Variants in EIF4E3 observed in about 807,000 individuals in gnomAD.
EIF4E3 encodes eukaryotic translation initiation factor 4E family member 3, also known as eukaryotic translation initiation factor 4E type 3.
In EIF4E3, 26 loss-of-function variants were observed where a neutral mutation model predicts 31.7. The ratio of observed to expected loss-of-function variants is 0.82; its 90% CI spans 0.60 to 1.14. The LOEUF (loss-of-function observed/expected upper bound fraction) is 1.14, where lower values mean the gene tolerates loss of function less well. EIF4E3 is among the 50% of genes most tolerant of loss of function. EIF4E3 has a pLI of 0.00. For synonymous variants in EIF4E3, 128 were observed against 107.7 expected, an observed-to-expected ratio of 1.19 and a Z score of -1.17; for missense variants, 304 against 270.9, an observed-to-expected ratio of 1.12 and a Z score of -0.86.
chr3:71,675,167 T>G (rs540033209), downstream of EIF4E3, among the ~76,000 whole-genome samples: 1 of 152,280 alleles, frequency 6.6e-6, no homozygotes, highest in South Asian at 2.1e-4. Context: ...GTAGAAGCAT[T>G]TGCAAACACA....
In EIF4E3 at chr3:71,690,126, C is replaced by T. The variant is rs564748464; in HGVS notation, c.512G>A (p.Arg171Gln). The change falls in exon 6 of 7, where the codon CGA becomes CAA. Residue 171 changes from arginine to glutamine, a missense_variant. Coordinates refer to ENST00000425534, the MANE Select transcript of EIF4E3 (RefSeq NM_001134651.2). ...VIGVSVSVRDREDVVQVWNVN... is the reference protein window; with the variant it reads ...VIGVSVSVRDQEDVVQVWNVN... ...ATTCCAGACTTGGACGACGTCTTCT[C>T]GGTCCCGAACACTGACACTAACTCC... 30 of 1,613,392 alleles carry T rather than the reference C, an allele frequency of 1.9e-5. No homozygotes were observed. The highest frequency in any genetic ancestry group is 5.0e-5 in the Admixed American group (3 of 59,914).
At chr3:71,664,914 T>C in the EIF4E3 span, among the ~76,000 whole-genome samples, 1 of 152,140 alleles carries the variant, frequency 6.6e-6, no homozygotes, top group East Asian at 1.9e-4. Context: ...CGAAGACGTA[T>C]GTCTACAGCT....
intron 3 of EIF4E3, among the ~76,000 whole-genome samples, chr3:71,699,245 A>AAAC (rs1427455022): frequency 8.5e-5 from 13 of 152,120 alleles, no homozygotes; most frequent in Middle Eastern, 6.8e-3. Flanking sequence ...GAAACCAACC[A>AAAC]AACAACAACA....
At chr3:71,685,282 C>G (rs550881686) in intron 6 of EIF4E3, among the ~76,000 whole-genome samples, 1 of 152,152 alleles carries the variant, frequency 6.6e-6, no homozygotes, top group African/African-American at 2.4e-5. Context: ...TTTTCCAAAT[C>G]AAGTTTCCCC....
In EIF4E3 at chr3:71,683,735, G is replaced by C. The variant is rs976161741; in HGVS notation, c.*947C>G. The C allele has an allele frequency of 6.6e-6, 1 of 152,214 alleles. No homozygotes were observed. Among genetic ancestry groups the C allele is most frequent in the African/African-American group, 2.4e-5 (1 of 41,466 alleles). The allele number at this position is 152,214 out of a possible 1,614,324, so 9.4% of individuals were successfully genotyped here. A position where few individuals can be genotyped will look rare whatever the true frequency, so the allele number is the denominator to read the frequency against. ...AGAAATGACACACAATGTGAGCAGG[G>C]AAAGGGATCATTTAACAAAATGTGT... On this transcript the variant is annotated 3_prime_UTR_variant, in exon 7 of 7. Coordinates refer to ENST00000425534, the MANE Select transcript of EIF4E3 (RefSeq NM_001134651.2).
chr3:71,712,614 A>G (rs2049395548), intron 1 of EIF4E3, among the ~76,000 whole-genome samples: 1 of 68,188 alleles, frequency 1.5e-5, no homozygotes, highest in African/African-American at 6.9e-5. Context: ...CTTCTTCCCT[A>G]TGTGTGTGTG....
chr3:71,744,975 G>A (rs1404484106), intron 1 of EIF4E3, among the ~76,000 whole-genome samples: 1 of 152,148 alleles, frequency 6.6e-6, no homozygotes, highest in Non-Finnish European at 1.5e-5. Flanking sequence ...AGAGAATGAA[G>A]GAAGGGTGGT....
chr3:71,743,578 T>C (rs1445112853), intron 1 of EIF4E3, among the ~76,000 whole-genome samples: 1 of 152,126 alleles, frequency 6.6e-6, no homozygotes, highest in African/African-American at 2.4e-5. Flanking sequence ...CCCCAATTAA[T>C]ATCCCAGTAG....
chr3:71,663,138 A>G, the EIF4E3 span, among the ~76,000 whole-genome samples: 1 of 152,124 alleles, frequency 6.6e-6, no homozygotes, highest in Non-Finnish European at 1.5e-5. Context: ...AGAGAAGAAC[A>G]GGTGGCCTCC....
At chr3:71,721,985 G>A (rs1254494306) in intron 1 of EIF4E3, among the ~76,000 whole-genome samples, 4 of 148,464 alleles carry the variant, frequency 2.7e-5, no homozygotes, top group Admixed American at 1.4e-4. Flanking sequence ...CCGATGAGCA[G>A]AAAGAAGGGC....
chr3:71,752,933 G>A (rs1387987636), intron 1 of EIF4E3, among the ~76,000 whole-genome samples: 1 of 152,168 alleles, frequency 6.6e-6, no homozygotes, highest in African/African-American at 2.4e-5. Context: ...CCAGAAAATA[G>A]ATATCCTGGG....
chr3:71,684,585 G>A lies in EIF4E3; in HGVS notation c.*97C>T. 1 of 1,469,596 alleles carries A rather than the reference G, an allele frequency of 6.8e-7. No individual in the cohort carries two copies. The highest frequency in any genetic ancestry group is 1.4e-5 in the African/African-American group (1 of 71,444). The allele number at this position is 1,469,596 out of a possible 1,614,324, so 91.0% of individuals were successfully genotyped here. A position where few individuals can be genotyped will look rare whatever the true frequency, so the allele number is the denominator to read the frequency against. ...ACAGAAACCCACTCTAAATTGACCA[G>A]CATCGGCTTCGGCAAGTCTTCTCTT... On this transcript the variant is annotated 3_prime_UTR_variant, in exon 7 of 7. Coordinates refer to ENST00000425534, the MANE Select transcript of EIF4E3 (RefSeq NM_001134651.2).
chr3:71,706,046 G>A (rs1435141512), intron 2 of EIF4E3, among the ~76,000 whole-genome samples: 1 of 152,200 alleles, frequency 6.6e-6, no homozygotes, highest in African/African-American at 2.4e-5. Flanking sequence ...TGGAAAATAC[G>A]CCTAGATGTA....
At chr3:71,662,557 T>C in the EIF4E3 span, among the ~76,000 whole-genome samples, 1 of 152,250 alleles carries the variant, frequency 6.6e-6, no homozygotes, top group South Asian at 2.1e-4. Context: ...TGTGCTTCTA[T>C]GTTTCGTTCC....
chr3:71,686,374 T>C (rs2048991199), intron 6 of EIF4E3, among the ~76,000 whole-genome samples: 1 of 152,078 alleles, frequency 6.6e-6, no homozygotes, highest in South Asian at 2.1e-4. Context: ...CAACATCATC[T>C]TGGACGTTCA....
intron 2 of EIF4E3, among the ~76,000 whole-genome samples, chr3:71,705,199 C>G (rs887059641): frequency 6.6e-6 from 1 of 152,118 alleles, no homozygotes; most frequent in Admixed American, 6.5e-5. Context: ...GCAGCAAGTA[C>G]TTGGAATCAA....
chr3:71,714,242 A>AAGAAAGGAAGGAAGG (rs1559602441), intron 1 of EIF4E3, among the ~76,000 whole-genome samples: 5 of 132,018 alleles, frequency 3.8e-5, no homozygotes, highest in Non-Finnish European at 7.9e-5. Flanking sequence ...GGGAAGAAGG[A>AAGAAAGGAAGGAAGG]AAGGAAGGAA....
In EIF4E3 at chr3:71,699,595, T is replaced by C. The variant is rs780903227; in HGVS notation, c.344+19A>G. ...ATTTTCCTCCCACCTTGACCTTAAA[T>C]TACACGTTAGACACTTACCAAAGTG... On this transcript the variant is annotated intron_variant, in intron 3 of 6. Transcript: ENST00000425534. 1.2e-6 allele frequency: 2 copies of C among 1,607,898 alleles called. No individual in the cohort carries two copies.
upstream of EIF4E3, among the ~76,000 whole-genome samples, chr3:71,727,209 T>C (rs2049650933): frequency 6.6e-6 from 1 of 152,206 alleles, no homozygotes; most frequent in African/African-American, 2.4e-5. Flanking sequence ...CTCCCAAGAC[T>C]ATCAATCTTC....
Sources: allele counts gnomAD v4.1 joint callset (sites outside exome capture counted in the v4.1 genomes callset), GRCh38; gene constraint gnomAD v4.1.1; transcripts MANE v1.5; gene names NCBI Gene and HGNC (gene_info 2026-07-23, HGNC 2026-07-21).